The following TUB variants were observed in gnomAD, a reference collection of about 807,000 sequenced individuals.
TUB encodes tubby protein homolog.
A neutral mutation model predicts 59.7 loss-of-function variants in TUB; 33 were observed. The ratio of observed to expected loss-of-function variants is 0.55; its 90% CI spans 0.42 to 0.74. The LOEUF (loss-of-function observed/expected upper bound fraction) is 0.74, where lower values mean the gene tolerates loss of function less well. Ranked by LOEUF, TUB falls within the 30% of genes least tolerant of loss-of-function variation. TUB has a pLI of 0.00. For synonymous variants in TUB, 293 were observed against 256.4 expected, an observed-to-expected ratio of 1.14 and a Z score of -1.36; for missense variants, 659 against 672.0, an observed-to-expected ratio of 0.98 and a Z score of 0.21.
At chr11:8,057,603 T>C (rs1319818139) in intron 2 of TUB, among the ~76,000 whole-genome samples, 1 of 141,356 alleles carries the variant, frequency 7.1e-6, no homozygotes, top group African/African-American at 2.5e-5. Flanking sequence ...TCTAGATGGG[T>C]CCAGGTGCCA....
intron 1 of TUB, among the ~76,000 whole-genome samples, chr11:8,031,498 T>C (rs1273059770): frequency 6.6e-6 from 1 of 152,194 alleles, no homozygotes; most frequent in Non-Finnish European, 1.5e-5. Context: ...CCCTGGGCAG[T>C]GAGCTGTGGT....
chr11:8,029,310 C>G (rs573780058), intron 1 of TUB, among the ~76,000 whole-genome samples: 1 of 151,930 alleles, frequency 6.6e-6, no homozygotes, highest in Non-Finnish European at 1.5e-5. Flanking sequence ...CTTTACCTTT[C>G]GAGGAGAACT....
At chr11:8,023,085 G>A (rs1942453112) in intron 1 of TUB, among the ~76,000 whole-genome samples, 1 of 152,132 alleles carries the variant, frequency 6.6e-6, no homozygotes, top group Admixed American at 6.5e-5. Flanking sequence ...GCTCCGGCTG[G>A]GAAGGCTAGA....
chr11:8,048,184 C>T (rs568567029), intron 2 of TUB, among the ~76,000 whole-genome samples: 1 of 152,174 alleles, frequency 6.6e-6, no homozygotes, highest in East Asian at 1.9e-4. Context: ...TCACAGTAAC[C>T]CTATGAGGTG....
intron 2 of TUB, 103 bp downstream of exon 2, chr11:8,089,764 G>A (rs957886805): frequency 6.9e-7 from 1 of 1,447,222 alleles, no homozygotes; most frequent in African/African-American, 1.4e-5. Flanking sequence ...CCGTCTGATT[G>A]GGGGATGGGA....
At chr11:8,076,391 C>G (rs781446228), upstream of TUB, 2 of 152,218 alleles carry the variant, frequency 1.3e-5, no homozygotes, top group Non-Finnish European at 2.9e-5. Flanking sequence ...CACTGGACCC[C>G]AAAGGCTGTC....
chr11:8,019,248 C>A, exon 1 of TUB: 2 of 1,238,032 alleles, frequency 1.6e-6, no homozygotes, highest in Non-Finnish European at 2.0e-6. Flanking sequence ...GCGAGCCAGC[C>A]CCAAGCCCAG....
chr11:8,040,310 G>C (rs1427116529), intron 2 of TUB, among the ~76,000 whole-genome samples: 2 of 152,214 alleles, frequency 1.3e-5, no homozygotes, highest in Non-Finnish European at 2.9e-5. Flanking sequence ...TGAAGGAGGG[G>C]GTGCTGTCTT....
intron 2 of TUB, among the ~76,000 whole-genome samples, chr11:8,058,689 G>A: frequency 6.6e-6 from 1 of 152,198 alleles, no homozygotes; most frequent in Non-Finnish European, 1.5e-5. Context: ...GTTCTGACAT[G>A]TCTTTGTTGT....
At chr11:8,020,731 C>G (rs1004026153) in intron 1 of TUB, among the ~76,000 whole-genome samples, 4 of 152,158 alleles carry the variant, frequency 2.6e-5, no homozygotes, top group African/African-American at 9.7e-5. Context: ...TCCAGTGCAC[C>G]TGCCTTTTTG....
intron 2 of TUB, among the ~76,000 whole-genome samples, chr11:8,058,878 T>C (rs61879614): frequency 0.032 from 4,902 of 152,328 alleles, 114 homozygotes; most frequent in Middle Eastern, 0.11. Context: ...ATAAAGAATA[T>C]TGGATATTTC....
At chr11:8,095,161 C>T (rs558204691) in intron 4 of TUB, among the ~76,000 whole-genome samples, 3 of 152,306 alleles carry the variant, frequency 2.0e-5, no homozygotes, top group African/African-American at 7.2e-5. Flanking sequence ...CTGGCCTTGC[C>T]TATGGTCTGG....
intron 3 of TUB, 72 bp from the exon 4 acceptor site, chr11:8,093,974 T>G: frequency 6.3e-7 from 1 of 1,588,784 alleles, no homozygotes; most frequent in South Asian, 1.1e-5. Flanking sequence ...CTGGGGACTG[T>G]GTTCAGGTGG....
exon 1 of TUB, chr11:8,038,684 A>T: frequency 7.1e-7 from 1 of 1,417,904 alleles, no homozygotes; most frequent in Non-Finnish European, 9.2e-7. Context: ...TGCGACCAGA[A>T]GATGTTTCCA....
intron 1 of TUB, among the ~76,000 whole-genome samples, chr11:8,023,859 T>C (rs1263328254): frequency 5.9e-5 from 9 of 152,178 alleles, no homozygotes; most frequent in Admixed American, 5.9e-4. Flanking sequence ...CCATTTTGTC[T>C]CCACTCAAGC....
intron 1 of TUB, among the ~76,000 whole-genome samples, chr11:8,020,250 C>A (rs1942402981): frequency 6.6e-6 from 1 of 152,194 alleles, no homozygotes; most frequent in Admixed American, 6.5e-5. Flanking sequence ...AGTTAAATTT[C>A]CTGACCCATG....
At chr11:8,039,099 C>A (rs1942697490) in intron 1 of TUB, 3 of 1,561,860 alleles carry the variant, frequency 1.9e-6, no homozygotes, top group Non-Finnish European at 2.6e-6. Context: ...CCCACCCTCA[C>A]TGACCTCAAC....
chr11:8,101,448 C>T, intron 11 of TUB, 38 bp from the exon 12 acceptor site: 1 of 1,606,652 alleles, frequency 6.2e-7, no homozygotes, highest in Non-Finnish European at 8.5e-7. Flanking sequence ...CATTCCTGTC[C>T]TGTCCTTTTC....
chr11:8,048,540 T>G (rs1302351109), intron 2 of TUB, among the ~76,000 whole-genome samples: 1 of 152,222 alleles, frequency 6.6e-6, no homozygotes, highest in East Asian at 1.9e-4. Flanking sequence ...GACCTGGAAC[T>G]GTAGGAATAT....
Sources: gnomAD v4.1 joint callset for allele counts (sites outside exome capture counted in the v4.1 genomes callset) on GRCh38, gnomAD v4.1.1 for gene constraint, MANE v1.5 for transcripts, NCBI Gene and HGNC (gene_info 2026-07-23, HGNC 2026-07-21) for gene names.